Variants in LYST observed in about 807,000 individuals in gnomAD.
LYST encodes the protein lysosomal-trafficking regulator.
In LYST, 192 loss-of-function variants were observed where a neutral mutation model predicts 413.6. That is an observed-to-expected ratio of 0.46 (90% CI 0.41 to 0.52). The LOEUF (loss-of-function observed/expected upper bound fraction) is 0.52, where lower values mean the gene tolerates loss of function less well. Among genes scored for constraint, LYST ranks in the 20% least tolerant of loss-of-function variants. The pLI, the probability that LYST is intolerant of heterozygous loss-of-function variation, is 0.00. For missense variants in LYST, 3,815 were observed against 4,499.9 expected, an observed-to-expected ratio of 0.85 and a Z score of 4.35; for synonymous variants, 1,525 against 1,567.3, an observed-to-expected ratio of 0.97 and a Z score of 0.64.
intron 28 of LYST, among the ~76,000 whole-genome samples, 172 bp downstream of exon 28, chr1:235,751,038 C>T (rs897205318): frequency 2.0e-5 from 3 of 152,120 alleles, no homozygotes; most frequent in Admixed American, 1.3e-4. Flanking sequence ...CAAGAAATAA[C>T]TGAATGAGAA....
At position 235,812,857 on chromosome 1, in the gene LYST, A is replaced by G; in HGVS notation, c.283+114T>C. 5 of 728,738 alleles carry G rather than the reference A, an allele frequency of 6.9e-6. No homozygotes were observed. The South Asian group carries it at 7.6e-5, about 11-fold the overall frequency. The allele number at this position is 728,738 out of a possible 1,614,324, so 45.1% of individuals were successfully genotyped here. ...AATTTTTCATATTTAGTATGAATAAATCACAATAACATATAGTGTTCTGAA... is the reference window on the plus strand; with the variant it reads ...AATTTTTCATATTTAGTATGAATAAGTCACAATAACATATAGTGTTCTGAA... On this transcript the variant is annotated intron_variant, in intron 4 of 52. Transcript: ENST00000389793.
Position 235,804,598 on chromosome 1 carries a change from G to C in LYST, c.3461C>G (p.Thr1154Arg), listed in dbSNP as rs756226516. 4.3e-6 allele frequency: 7 copies of C among 1,610,570 alleles called. No homozygotes were observed. The Admixed American group carries it at 1.0e-4, about 23-fold the overall frequency. The change falls in exon 7 of 53, where the codon ACA (threonine) becomes AGA (arginine). Residue 1154 changes from threonine (T) to arginine (R), a missense_variant. By Grantham distance (71) the Thr-to-Arg change is moderately conservative (BLOSUM62 -1). Coordinates refer to ENST00000389793, the MANE Select transcript of LYST (RefSeq NM_000081.4). ...DHLSQSKVIE[T>R]QLAKPLFDAL... ...ATCAAATAAAGGCTTTGCTAGTTGTGTTTCAATCACCTTTGACTGGGAAAG... is the reference window on the plus strand; with the variant it reads ...ATCAAATAAAGGCTTTGCTAGTTGTCTTTCAATCACCTTTGACTGGGAAAG...
intron 47 of LYST, among the ~76,000 whole-genome samples, chr1:235,692,162 G>A (rs1027657161): frequency 2.6e-5 from 4 of 151,180 alleles, no homozygotes; most frequent in South Asian, 2.1e-4. Context: ...GTGAAACCCC[G>A]TCCCTACTAA....
intron 1 of LYST, among the ~76,000 whole-genome samples, chr1:235,876,627 C>T (rs993400346): frequency 1.3e-5 from 2 of 152,144 alleles, no homozygotes; most frequent in African/African-American, 2.4e-5. Flanking sequence ...CCTGGCAGAT[C>T]GGAATATTTG....
chr1:235,727,535 C>T (rs1663996384), intron 38 of LYST, among the ~76,000 whole-genome samples: 1 of 152,042 alleles, frequency 6.6e-6, no homozygotes, highest in African/African-American at 2.4e-5. Flanking sequence ...AAGCTTATTT[C>T]TCCTATTACA....
intron 19 of LYST, among the ~76,000 whole-genome samples, chr1:235,772,180 GTGCCAC>G (rs1411781536): frequency 1.3e-5 from 2 of 152,048 alleles, no homozygotes; most frequent in Non-Finnish European, 2.9e-5. Context: ...AGCCAAGATG[GTGCCAC>G]TGCATTTTAG....
At chr1:235,869,232 G>C (rs1460102289), upstream of LYST, among the ~76,000 whole-genome samples, 1 of 152,108 alleles carries the variant, frequency 6.6e-6, no homozygotes, top group East Asian at 1.9e-4. Context: ...CAGCACTTTG[G>C]GAGGCCGAGG....
At chr1:235,791,624 C>T (rs781738227) in intron 12 of LYST, 75 bp downstream of exon 12, 30 of 1,265,282 alleles carry the variant, frequency 2.4e-5, no homozygotes, top group Non-Finnish European at 3.3e-5. Context: ...AACACTACCA[C>T]ATTTTTACGG....
chr1:235,670,370 G>A (rs1571959900), intron 50 of LYST, among the ~76,000 whole-genome samples: 1 of 152,244 alleles, frequency 6.6e-6, no homozygotes, highest in African/African-American at 2.4e-5. Flanking sequence ...TTCTGCAGAA[G>A]TAAATGTGCC....
intron 1 of LYST, among the ~76,000 whole-genome samples, chr1:235,882,640 A>AGGT (rs1681428151): frequency 6.6e-6 from 1 of 152,112 alleles, no homozygotes; most frequent in African/African-American, 2.4e-5. Flanking sequence ...AACCTACAAG[A>AGGT]GGTGGTGAGT....
At chr1:235,727,913 T>C (rs1259098588) in intron 38 of LYST, among the ~76,000 whole-genome samples, 163 bp downstream of exon 38, 1 of 152,196 alleles carries the variant, frequency 6.6e-6, no homozygotes, top group African/African-American at 2.4e-5. Flanking sequence ...AGTCTTCTTT[T>C]TAAAATTATA....
rs1662212991 is a variant in LYST, at chr1:235,709,201, G to C, written c.10033C>G (p.Leu3345Val). Residue 3345 changes from leucine to valine, a missense_variant, in exon 44 of 53, where the codon CTA becomes GTA. By Grantham distance (32) the Leu-to-Val change is conservative (BLOSUM62 1). This residue lies in a region of LYST where 866 missense variants were observed against 1,156.0 expected (regional missense o/e 0.75). Coordinates refer to ENST00000389793, the MANE Select transcript of LYST (RefSeq NM_000081.4). ...RLFILIHRQA[L>V]ESDYVSQNIC... ...TTCTGCGACACGTAGTCAGACTCTA[G>C]AGCCTGCCGATGGATGAGGATAAAA... The C allele has an allele frequency of 6.2e-7, 1 of 1,614,108 alleles. No individual in the cohort carries two copies. The highest frequency in any genetic ancestry group is 1.3e-5 in the African/African-American group (1 of 75,040).
chr1:235,828,120 T>G, intron 3 of LYST: 2 of 955,808 alleles, frequency 2.1e-6, no homozygotes, highest in Non-Finnish European at 2.5e-6. Context: ...ACTAGCAAAA[T>G]ATTCCCAAAA....
At chr1:235,784,220 G>C (rs1670178143) in intron 14 of LYST, among the ~76,000 whole-genome samples, 1 of 152,150 alleles carries the variant, frequency 6.6e-6, no homozygotes, top group African/African-American at 2.4e-5. Flanking sequence ...AAAGATACTA[G>C]AGAACCAAGT....
Position 235,662,713 on chromosome 1 carries a change from C to G in LYST, c.*227G>C, listed in dbSNP as rs1432781901. ...CCATGCGAGGCTTAAAACTTGTTGG[C>G]TAGTGCATATTGACACAATCTTCCA... On this transcript the variant is annotated 3_prime_UTR_variant, in exon 53 of 53. Transcript: ENST00000389793. 6.9e-6 allele frequency: 4 copies of G among 581,270 alleles called. No individual in the cohort carries two copies. The Admixed American group carries it at 1.1e-4, about 15-fold the overall frequency. 36.0% of individuals were successfully genotyped at this position (581,270 alleles called of 1,614,324 possible).
At chr1:235,772,495 T>C (rs1243143958) in intron 19 of LYST, among the ~76,000 whole-genome samples, 1 of 152,094 alleles carries the variant, frequency 6.6e-6, no homozygotes, top group Non-Finnish European at 1.5e-5. Flanking sequence ...CTAAGAAGGC[T>C]GTATGAGCCT....
At chr1:235,817,960 AG>A (rs1674349287) in intron 3 of LYST, among the ~76,000 whole-genome samples, 1 of 152,174 alleles carries the variant, frequency 6.6e-6, no homozygotes, top group Admixed American at 6.5e-5. Context: ...AAGCCCTTGA[AG>A]GAGAAAATAC....
intron 16 of LYST, among the ~76,000 whole-genome samples, chr1:235,778,670 A>G (rs1428188536): frequency 6.6e-6 from 1 of 151,916 alleles, no homozygotes; most frequent in Non-Finnish European, 1.5e-5. Context: ...TACAAGCATG[A>G]GCCACCGTGC....
intron 1 of LYST, among the ~76,000 whole-genome samples, chr1:235,845,245 A>C (rs1677682610): frequency 6.6e-6 from 1 of 152,196 alleles, no homozygotes; most frequent in Admixed American, 6.5e-5. Context: ...TGTTTGCTGG[A>C]GAAGTTTCTG....
Sources: allele counts gnomAD v4.1 joint callset (sites outside exome capture counted in the v4.1 genomes callset), GRCh38; gene constraint gnomAD v4.1.1; regional missense constraint gnomAD v4.1.1; transcripts MANE v1.5; gene names NCBI Gene and HGNC (gene_info 2026-07-23, HGNC 2026-07-21).